The following LARP4 variants were observed in gnomAD, a reference collection of about 807,000 sequenced individuals.
LARP4 encodes the protein La ribonucleoprotein 4.
A neutral mutation model predicts 92.9 loss-of-function variants in LARP4; 29 were observed. The observed-to-expected ratio is 0.31, with a 90% confidence interval of 0.23 to 0.43. The LOEUF is 0.43. Among genes scored for constraint, LARP4 ranks in the 20% least tolerant of loss-of-function variants. LARP4 has a pLI of 1.00. For missense variants in LARP4, 732 were observed against 860.0 expected, an observed-to-expected ratio of 0.85 and a Z score of 1.86; for synonymous variants, 279 against 284.1, an observed-to-expected ratio of 0.98 and a Z score of 0.18.
At chr12:50,447,829 G>A (rs1242745204) in intron 8 of LARP4, among the ~76,000 whole-genome samples, 2 of 151,958 alleles carry the variant, frequency 1.3e-5, no homozygotes, top group Non-Finnish European at 1.5e-5. Flanking sequence ...GATTACAGGT[G>A]TCAGGCACTG....
chr12:50,435,630 T>C lies in LARP4; in HGVS notation c.535+6T>C. The C allele has an allele frequency of 6.4e-7, 1 of 1,555,912 alleles. No homozygotes were observed. Among genetic ancestry groups the C allele is most frequent in the Non-Finnish European group, 8.7e-7 (1 of 1,150,110 alleles). ...AATTCTTGAAGTGTTAAGATGTATG[T>C]AAAAATACCTTTTAGCTTTTTTTTT... is the stretch of plus-strand genomic sequence containing the variant. On this transcript the variant is annotated splice_donor_region_variant and intron_variant, in intron 5 of 15. Transcript: ENST00000398473.
intron 1 of LARP4, among the ~76,000 whole-genome samples, chr12:50,403,648 C>G (rs7970694): frequency 0.84 from 127,086 of 152,182 alleles, 55,582 homozygotes; most frequent in East Asian, 0.98. Context: ...ACTAAACCAA[C>G]TTGCTTGTGG....
intron 1 of LARP4, among the ~76,000 whole-genome samples, chr12:50,403,807 A>G (rs532963480): frequency 6.6e-6 from 1 of 152,344 alleles, no homozygotes; most frequent in African/African-American, 2.4e-5. Flanking sequence ...AACAATAACA[A>G]CAGTAGTAGT....
chr12:50,426,731 G>GTGTGT (rs1483728898), intron 1 of LARP4, among the ~76,000 whole-genome samples: 75 of 79,650 alleles, frequency 9.4e-4, no homozygotes, highest in East Asian at 2.8e-3. Flanking sequence ...GTGTGTGTGT[G>GTGTGT]GTTTTTTTTT....
chr12:50,407,109 T>G (rs571047926), intron 1 of LARP4, among the ~76,000 whole-genome samples: 111 of 152,130 alleles, frequency 7.3e-4, no homozygotes, highest in African/African-American at 2.3e-3. Flanking sequence ...CACTGCAACC[T>G]CCGCCTCCTG....
chr12:50,414,232 A>G (rs1946386845), intron 1 of LARP4, among the ~76,000 whole-genome samples: 1 of 152,174 alleles, frequency 6.6e-6, no homozygotes, highest in South Asian at 2.1e-4. Flanking sequence ...TCGGCAAACA[A>G]TCTTGGTAAT....
intron 1 of LARP4, among the ~76,000 whole-genome samples, chr12:50,425,204 A>G (rs757089503): frequency 6.6e-6 from 1 of 152,236 alleles, no homozygotes; most frequent in East Asian, 1.9e-4. Context: ...CTAAAGCCAC[A>G]TAACTACTAT....
chr12:50,427,776 A>T lies in LARP4; in HGVS notation c.33A>T (p.Lys11Asn), dbSNP rs767218428. Residue 11 changes from lysine (K) to asparagine (N), a missense_variant, in exon 2 of 16, where the codon AAA becomes AAT. Lys to Asn is a moderately conservative substitution (Grantham distance 94). Transcript: ENST00000398473. The part of the protein sequence containing the change: MLLFVEQVAS[K>N]GTGLNPNAKV... ...CGATTATTTAGCAGGTAGCATCTAA[A>T]GGAACTGGTTTAAATCCTAATGCCA... is the stretch of plus-strand genomic sequence containing the variant. 1 of 1,570,916 alleles carries T rather than the reference A, an allele frequency of 6.4e-7. No individual in the cohort carries two copies. The highest frequency in any genetic ancestry group is 2.2e-5 in the East Asian group (1 of 44,462).
Position 50,435,689 on chromosome 12 carries a change from G to C in LARP4, c.535+65G>C, listed in dbSNP as rs140058655. On this transcript the variant is annotated intron_variant, in intron 5 of 15. Coordinates refer to ENST00000398473, the MANE Select transcript of LARP4 (RefSeq NM_052879.5). ...AACGTAAAATGTTATTTCGACTTCT[G>C]ATCATATAGGGAATTATTTTTACTG... 8.8e-4 allele frequency: 1,042 copies of C among 1,189,222 alleles called. 7 individuals are homozygous for C. The African/African-American group carries it at 0.015, about 17-fold the overall frequency. The allele number at this position is 1,189,222 out of a possible 1,614,324, so 73.7% of individuals were successfully genotyped here. A position where few individuals can be genotyped will look rare whatever the true frequency, so the allele number is the denominator to read the frequency against.
At chr12:50,444,796 G>A (rs1019541573) in intron 8 of LARP4, among the ~76,000 whole-genome samples, 1 of 152,082 alleles carries the variant, frequency 6.6e-6, no homozygotes, top group Non-Finnish European at 1.5e-5. Context: ...TGATTTCTAT[G>A]CCTGAAAATA....
Position 50,477,047 on chromosome 12 carries a change from G to A in LARP4, c.*1183G>A, listed in dbSNP as rs1957584975. On this transcript the variant is annotated 3_prime_UTR_variant, in exon 16 of 16. Coordinates refer to ENST00000398473, the MANE Select transcript of LARP4 (RefSeq NM_052879.5). The stretch of plus-strand genomic sequence containing the variant: ...TTTTTTTTAAAGGCTTAATTTGGGA[G>A]GGGGGACTTATTTCTGTTTACAGTG... The A allele has an allele frequency of 6.6e-6, 1 of 152,428 alleles. No individual in the cohort carries two copies. The highest frequency in any genetic ancestry group is 2.1e-4 in the South Asian group (1 of 4,822). 9.4% of individuals were successfully genotyped at this position (152,428 alleles called of 1,614,324 possible).
chr12:50,471,753 C>T (rs564583892), intron 13 of LARP4, among the ~76,000 whole-genome samples: 1 of 152,272 alleles, frequency 6.6e-6, no homozygotes, highest in South Asian at 2.1e-4. Context: ...AAACTCCTGA[C>T]CTCAGATGAT....
chr12:50,405,342 G>T (rs1184332424), intron 1 of LARP4, among the ~76,000 whole-genome samples: 2 of 152,174 alleles, frequency 1.3e-5, no homozygotes, highest in Non-Finnish European at 2.9e-5. Context: ...GTTTGAAACT[G>T]CAGTGTACTA....
chr12:50,468,974 C>G (rs1383408376), intron 13 of LARP4, among the ~76,000 whole-genome samples: 3 of 152,040 alleles, frequency 2.0e-5, no homozygotes, highest in Non-Finnish European at 4.4e-5. Context: ...TACCGTCACC[C>G]TGGCAATTTT....
At chr12:50,451,014 C>G (rs985215574) in intron 8 of LARP4, among the ~76,000 whole-genome samples, 1 of 152,108 alleles carries the variant, frequency 6.6e-6, no homozygotes, top group Non-Finnish European at 1.5e-5. Flanking sequence ...TGAATAGTCA[C>G]GTGGGTATAT....
chr12:50,475,569 C>T lies in LARP4; in HGVS notation c.1880C>T (p.Pro627Leu). Residue 627 changes from proline to leucine, a missense_variant, in exon 16 of 16, where the codon CCT becomes CTT. Physicochemically the swap from Pro to Leu is moderately conservative, Grantham distance 98. Coordinates refer to ENST00000398473, the MANE Select transcript of LARP4 (RefSeq NM_052879.5). The part of the protein sequence containing the change: ...LSYAEVCQKP[P>L]KEPSSVLVQP... Reference sequence around the variant, plus strand: ...TATGCTGAAGTGTGCCAGAAGCCCCCTAAAGAGCCATCTTCAGTTCTTGTG... The same window carrying T: ...TATGCTGAAGTGTGCCAGAAGCCCCTTAAAGAGCCATCTTCAGTTCTTGTG... The T allele has an allele frequency of 6.2e-7, 1 of 1,613,866 alleles. No homozygotes were observed. The highest frequency in any genetic ancestry group is 8.5e-7 in the Non-Finnish European group (1 of 1,179,930).
intron 10 of LARP4, among the ~76,000 whole-genome samples, chr12:50,458,620 T>G (rs1034300567): frequency 1.3e-5 from 2 of 152,212 alleles, no homozygotes; most frequent in Non-Finnish European, 2.9e-5. Flanking sequence ...GAAAATAGAT[T>G]ACAAAAACTG....
intron 4 of LARP4, among the ~76,000 whole-genome samples, chr12:50,434,841 G>A (rs910319724): frequency 4.6e-5 from 7 of 151,750 alleles, no homozygotes; most frequent in African/African-American, 9.7e-5. Context: ...TCAGGAGATC[G>A]AGACCATCCT....
chr12:50,467,736 A>G (rs1221612828), intron 13 of LARP4, among the ~76,000 whole-genome samples: 1 of 152,214 alleles, frequency 6.6e-6, no homozygotes, highest in African/African-American at 2.4e-5. Context: ...CAAACAATGG[A>G]AAGTAGATGT....
Sources: gnomAD v4.1 joint callset for allele counts (sites outside exome capture counted in the v4.1 genomes callset) on GRCh38, gnomAD v4.1.1 for gene constraint, MANE v1.5 for transcripts, NCBI Gene and HGNC (gene_info 2026-07-23, HGNC 2026-07-21) for gene names.